Variants in SLC4A4 observed in about 807,000 individuals in gnomAD.
SLC4A4 encodes solute carrier family 4 member 4.
SLC4A4 carries 27 observed loss-of-function variants against 111.5 expected under a neutral mutation model. That is an observed-to-expected ratio of 0.24 (90% CI 0.18 to 0.33). The LOEUF (loss-of-function observed/expected upper bound fraction) is 0.33. SLC4A4 is among the 10% of genes least tolerant of loss of function. The pLI, the probability that SLC4A4 is intolerant of heterozygous loss-of-function variation, is 1.00. For missense variants in SLC4A4, 909 were observed against 1,315.5 expected, an observed-to-expected ratio of 0.69 and a Z score of 4.78; for synonymous variants, 443 against 463.4, an observed-to-expected ratio of 0.96 and a Z score of 0.57.
chr4:71,147,255 T>C (rs1744201259), intron 2 of SLC4A4, among the ~76,000 whole-genome samples: 1 of 152,176 alleles, frequency 6.6e-6, no homozygotes, highest in African/African-American at 2.4e-5. Context: ...CTTTCTCTCC[T>C]TTCAAATTTC....
At chr4:71,169,877 T>C (rs2602107) in intron 2 of SLC4A4, among the ~76,000 whole-genome samples, 8,867 of 152,236 alleles carry the variant, frequency 0.058, 814 homozygotes, top group African/African-American at 0.2. Context: ...GAATAAGATC[T>C]TAATTCCTTC....
At chr4:71,410,616 T>C (rs915853656) in intron 7 of SLC4A4, among the ~76,000 whole-genome samples, 2 of 152,212 alleles carry the variant, frequency 1.3e-5, no homozygotes, top group African/African-American at 4.8e-5. Context: ...GGTGAGACTT[T>C]GGACTGTGGA....
chr4:71,443,165 G>C (rs112262011), intron 8 of SLC4A4, among the ~76,000 whole-genome samples: 3 of 129,292 alleles, frequency 2.3e-5, no homozygotes, highest in Non-Finnish European at 3.2e-5. Flanking sequence ...TTTTTTGAAG[G>C]GGGGTGATAG....
rs1157788396 is a variant in SLC4A4, at chr4:71,385,191, A to ATTTTTTTTTTTTTTT, written c.731-12376_731-12362dup. On this transcript the variant is annotated intron_variant, in intron 6 of 25. Transcript: ENST00000264485. ...TAGATTTATATATATATATATATAT[A>ATTTTTTTTTTTTTTT]TTTTTTTTTTTTTTTTTTTTTTTTG... Among the ~76,000 whole-genome samples the ATTTTTTTTTTTTTTT allele has an allele frequency of 1.7e-4, 2 of 11,902 alleles. 1 individual carries two copies. Among genetic ancestry groups the ATTTTTTTTTTTTTTT allele is most frequent in the African/African-American group, 5.0e-4 (2 of 3,972 alleles). The allele number at this position is 11,902 out of a possible 152,430, so 7.8% of individuals were successfully genotyped here.
chr4:71,422,528 CA>C (rs1722638996), intron 7 of SLC4A4, among the ~76,000 whole-genome samples: 1 of 152,034 alleles, frequency 6.6e-6, no homozygotes, highest in Admixed American at 6.5e-5. Context: ...GGCAGAGACA[CA>C]ACCAAAAAAG....
At chr4:71,177,915 C>A (rs993943233) in intron 2 of SLC4A4, among the ~76,000 whole-genome samples, 1 of 152,128 alleles carries the variant, frequency 6.6e-6, no homozygotes, top group African/African-American at 2.4e-5. Flanking sequence ...TCAAAACTGA[C>A]CACATAGTTG....
chr4:71,419,690 G>T (rs182263235), intron 7 of SLC4A4, among the ~76,000 whole-genome samples: 37 of 152,344 alleles, frequency 2.4e-4, no homozygotes, highest in Non-Finnish European at 4.6e-4. Context: ...CGTGCACGGT[G>T]CGCTGCACCT....
chr4:71,181,873 T>G (rs1745305145), intron 2 of SLC4A4, among the ~76,000 whole-genome samples: 1 of 152,210 alleles, frequency 6.6e-6, no homozygotes, highest in Admixed American at 6.5e-5. Flanking sequence ...TTATTTCTTC[T>G]AGGGCTAAGG....
intron 4 of SLC4A4, 87 bp downstream of exon 4, chr4:71,339,592 C>T: frequency 1.5e-6 from 2 of 1,346,786 alleles, no homozygotes; most frequent in South Asian, 1.2e-5. Flanking sequence ...GTTCTTTAGC[C>T]TTAGCACTTT....
At chr4:71,148,541 T>C (rs187640992) in intron 2 of SLC4A4, among the ~76,000 whole-genome samples, 142 of 152,268 alleles carry the variant, frequency 9.3e-4, no homozygotes, top group African/African-American at 3.1e-3. Context: ...GATCCTCTCC[T>C]TCCTCTCATC....
intron 15 of SLC4A4, among the ~76,000 whole-genome samples, chr4:71,492,453 T>C (rs73828181): frequency 0.012 from 1,805 of 152,086 alleles, 40 homozygotes; most frequent in African/African-American, 0.04. Flanking sequence ...AAATCTCTTT[T>C]CATGAGATTT....
chr4:71,072,755 G>C (rs952153128), intron 1 of SLC4A4, among the ~76,000 whole-genome samples: 20 of 151,606 alleles, frequency 1.3e-4, no homozygotes, highest in African/African-American at 4.8e-4. Context: ...TATAAATGGG[G>C]GTTTATCTTC....
intron 7 of SLC4A4, among the ~76,000 whole-genome samples, chr4:71,401,271 T>C (rs1260586023): frequency 6.6e-6 from 1 of 152,238 alleles, no homozygotes; most frequent in Non-Finnish European, 1.5e-5. Context: ...TTGCCAAGCC[T>C]ATGTGCTTAC....
Position 71,393,961 on chromosome 4 carries a change from G to A in SLC4A4, c.731-3616G>A, listed in dbSNP as rs1445392879. On this transcript the variant is annotated intron_variant, in intron 6 of 25. Transcript: ENST00000264485. ...GTGCTGAGATAATCGGCTAGCCACA[G>A]GTAGGAGAATGAAACTGGATCCTCA... Among the ~76,000 whole-genome samples, 4 of 152,114 alleles carry A rather than the reference G, an allele frequency of 2.6e-5. No homozygotes were observed. In the East Asian group the frequency reaches 7.7e-4, roughly 29 times the overall value.
Position 71,534,340 on chromosome 4 carries a change from C to T in SLC4A4, c.2394C>T (p.Asp798=), listed in dbSNP as rs370780621. The change falls in exon 18 of 26, where the codon GAC becomes GAT. Residue 798 remains aspartate, a synonymous_variant. Coordinates refer to ENST00000264485, the MANE Select transcript of SLC4A4 (RefSeq NM_001098484.3). ...TGGTCACTATACTGATTTTCATGGA[C>T]CAACAAATTACAGCTGTGATTGTAA... ...ALLVTILIFM[D]QQITAVIVNR... is the part of the protein sequence containing the mutation. 2.5e-6 allele frequency: 4 copies of T among 1,613,420 alleles called. No homozygotes were observed. The African/African-American group carries it at 5.3e-5, about 22-fold the overall frequency.
intron 2 of SLC4A4, among the ~76,000 whole-genome samples, chr4:71,098,158 G>A (rs1374985036): frequency 2.0e-5 from 3 of 152,082 alleles, no homozygotes; most frequent in African/African-American, 7.2e-5. Flanking sequence ...ATAGTTTTGT[G>A]TTTTACATTT....
chr4:71,265,742 A>G (rs1245088986), intron 3 of SLC4A4, among the ~76,000 whole-genome samples: 1 of 151,792 alleles, frequency 6.6e-6, no homozygotes, highest in African/African-American at 2.4e-5. Context: ...TTCTCTAACG[A>G]TTTTCCCTTT....
intron 16 of SLC4A4, among the ~76,000 whole-genome samples, chr4:71,513,497 A>AT (rs530311226): frequency 1.4e-4 from 22 of 152,226 alleles, no homozygotes; most frequent in African/African-American, 4.8e-4. Context: ...AACTGTACTA[A>AT]TTTTTTTAAT....
intron 4 of SLC4A4, among the ~76,000 whole-genome samples, chr4:71,340,135 G>T (rs1026859195): frequency 6.6e-6 from 1 of 152,058 alleles, no homozygotes; most frequent in Non-Finnish European, 1.5e-5. Flanking sequence ...GAAGTAGGAG[G>T]CTCACTTGAG....
Sources: gnomAD v4.1 joint callset for allele counts (sites outside exome capture counted in the v4.1 genomes callset) on GRCh38, gnomAD v4.1.1 for gene constraint, MANE v1.5 for transcripts, NCBI Gene and HGNC (gene_info 2026-07-23, HGNC 2026-07-21) for gene names.